SDK1: variants seen among roughly 807,000 people sequenced by gnomAD.
SDK1 encodes the protein sidekick cell adhesion molecule 1.
SDK1 carries 157 observed loss-of-function variants against 245.5 expected under a neutral mutation model. The ratio of observed to expected loss-of-function variants is 0.64; its 90% CI spans 0.56 to 0.73. The LOEUF (loss-of-function observed/expected upper bound fraction) is 0.73, where lower values mean the gene tolerates loss of function less well. Ranked by LOEUF, SDK1 falls within the 30% of genes least tolerant of loss-of-function variation. The pLI is 0.00. For missense variants in SDK1, 3,583 were observed against 3,002.3 expected (o/e 1.19, Z -4.52); for synonymous variants, 1,647 against 1,278.5 (o/e 1.29, Z -6.15).
At chr7:3,599,310 A>G (rs927870262) in intron 1 of SDK1, among the ~76,000 whole-genome samples, 1 of 151,718 alleles carries the variant, frequency 6.6e-6, no homozygotes, top group African/African-American at 2.4e-5. Context: ...CTCATTTTCT[A>G]TTTGGATTGT....
Position 4,053,715 on chromosome 7 carries a change from A to C in SDK1, c.2911+1885A>C, listed in dbSNP as rs78836472. 2.1e-3 allele frequency among the ~76,000 whole-genome samples: 325 copies of C among 152,222 alleles called. 1 individual carries two copies. Among genetic ancestry groups the C allele is most frequent in the Non-Finnish European group, 3.7e-3 (249 of 68,010 alleles). On this transcript the variant is annotated intron_variant, in intron 19 of 44. Transcript: ENST00000404826. ...TCAAGGTCTATGTCAAATGAGTGAC[A>C]GGGGAGGAATAGAACATGGATTTCT...
At position 3,811,047 on chromosome 7, in the gene SDK1, A is replaced by G. The variant is rs78664525; in HGVS notation, c.714-10403A>G. On this transcript the variant is annotated intron_variant, in intron 4 of 44. Transcript: ENST00000404826. The stretch of plus-strand genomic sequence containing the variant: ...TTTAGCCCCTAGAAGAGGACAGTAG[A>G]TGACATTTACTGTTTTCTTACTTGC... 1.0e-2 allele frequency among the ~76,000 whole-genome samples: 1,518 copies of G among 152,300 alleles called. 34 individuals carry two copies. The highest frequency in any genetic ancestry group is 0.034 in the African/African-American group (1,434 of 41,568).
intron 1 of SDK1, among the ~76,000 whole-genome samples, chr7:3,531,588 G>C (rs1013401722): frequency 4.6e-5 from 7 of 152,148 alleles, no homozygotes; most frequent in African/African-American, 1.7e-4. Context: ...GTATGTCTCA[G>C]ATAGTCAAAA....
intron 1 of SDK1, among the ~76,000 whole-genome samples, chr7:3,524,328 G>C (rs906608716): frequency 6.6e-6 from 1 of 152,156 alleles, no homozygotes; most frequent in African/African-American, 2.4e-5. Flanking sequence ...AAATTACTGT[G>C]GTTGCGGTGT....
chr7:4,233,190 AT>A, intron 40 of SDK1, 64 bp from the exon 41 acceptor site: 3 of 1,500,120 alleles, frequency 2.0e-6, no homozygotes, highest in South Asian at 2.4e-5. Flanking sequence ...AGGCAGGTGC[AT>A]GGGGCTCGCA....
At chr7:3,342,773 T>C (rs1014389949) in intron 1 of SDK1, among the ~76,000 whole-genome samples, 14 of 152,202 alleles carry the variant, frequency 9.2e-5, no homozygotes, top group African/African-American at 3.4e-4. Context: ...GTAGAAAATA[T>C]TTTCATCTGT....
At chr7:4,120,203 A>G (rs1226016382) in intron 25 of SDK1, among the ~76,000 whole-genome samples, 1 of 149,180 alleles carries the variant, frequency 6.7e-6, no homozygotes, top group Admixed American at 6.7e-5. Flanking sequence ...AATGAGAGTT[A>G]CAAAATACAC....
At chr7:3,547,848 C>T (rs180726666) in intron 1 of SDK1, among the ~76,000 whole-genome samples, 27 of 152,314 alleles carry the variant, frequency 1.8e-4, no homozygotes, top group African/African-American at 6.5e-4. Flanking sequence ...CTTTTTGCCA[C>T]CCTGCTTTCC....
intron 1 of SDK1, among the ~76,000 whole-genome samples, chr7:3,540,293 G>A (rs1217450763): frequency 6.6e-6 from 1 of 152,228 alleles, no homozygotes; most frequent in Non-Finnish European, 1.5e-5. Context: ...TGTAATCTCA[G>A]CTATTCGGGA....
intron 1 of SDK1, among the ~76,000 whole-genome samples, chr7:3,532,618 A>G (rs1451641938): frequency 6.6e-6 from 1 of 152,222 alleles, no homozygotes; most frequent in Non-Finnish European, 1.5e-5. Flanking sequence ...CTGTCATGTT[A>G]ACTCCAGGTC....
intron 28 of SDK1, among the ~76,000 whole-genome samples, chr7:4,139,721 A>ATGTG (rs1330952824): frequency 1.8e-5 from 2 of 110,764 alleles, no homozygotes; most frequent in South Asian, 3.3e-4. Flanking sequence ...GTGTGTGTGT[A>ATGTG]TGTGTGTGTG....
rs151161785 is a variant in SDK1 at position 3,357,140 on chromosome 7, C to T, written c.298+55256C>T. On this transcript the variant is annotated intron_variant, in intron 1 of 44. Transcript: ENST00000404826. ...ACTCATCAGAAAAATACCTGCTTGA[C>T]CACATTAATTTCTTGAAGTATCTCT... 8.8e-3 allele frequency among the ~76,000 whole-genome samples: 1,321 copies of T among 150,932 alleles called. 9 individuals are homozygous for T. Among genetic ancestry groups the T allele is most frequent in the Non-Finnish European group, 0.013 (859 of 67,778 alleles).
At chr7:3,608,288 G>C (rs191895950) in intron 1 of SDK1, among the ~76,000 whole-genome samples, 2 of 152,156 alleles carry the variant, frequency 1.3e-5, no homozygotes, top group East Asian at 1.9e-4. Context: ...AAAATGTGCC[G>C]GTTGTCTCAA....
chr7:4,068,011 C>A (rs1296785332), intron 20 of SDK1, 75 bp downstream of exon 20: 1 of 1,048,900 alleles, frequency 9.5e-7, no homozygotes, highest in Non-Finnish European at 1.4e-6. Flanking sequence ...CACTTCAAAC[C>A]AAACTGCTGA....
chr7:3,383,906 G>C (rs965987063), intron 1 of SDK1, among the ~76,000 whole-genome samples: 1 of 152,108 alleles, frequency 6.6e-6, no homozygotes, highest in Non-Finnish European at 1.5e-5. Context: ...CCTTCAGCTG[G>C]AGTCAATCTT....
chr7:3,661,409 T>A (rs1427008116), intron 4 of SDK1, among the ~76,000 whole-genome samples: 1 of 152,220 alleles, frequency 6.6e-6, no homozygotes, highest in Non-Finnish European at 1.5e-5. Context: ...CAACCTGCCG[T>A]TGGCTTATCT....
chr7:3,995,353 C>A (rs1221413900), intron 14 of SDK1, among the ~76,000 whole-genome samples: 1 of 152,154 alleles, frequency 6.6e-6, no homozygotes, highest in African/African-American at 2.4e-5. Context: ...CCCATCTCCT[C>A]CCCTAGGGGT....
chr7:3,646,207 T>A (rs1400198908), intron 4 of SDK1, among the ~76,000 whole-genome samples: 1 of 152,182 alleles, frequency 6.6e-6, no homozygotes, highest in Non-Finnish European at 1.5e-5. Context: ...CCCTAATACG[T>A]GCACCTTTGT....
chr7:3,759,237 C>G (rs140250386), intron 4 of SDK1, among the ~76,000 whole-genome samples: 49 of 152,278 alleles, frequency 3.2e-4, no homozygotes, highest in Middle Eastern at 6.8e-3. Flanking sequence ...AAATGCTGTA[C>G]TTTCTGAAGT....
Sources: gnomAD v4.1 joint callset for allele counts (sites outside exome capture counted in the v4.1 genomes callset) on GRCh38, gnomAD v4.1.1 for gene constraint, MANE v1.5 for transcripts, NCBI Gene and HGNC (gene_info 2026-07-23, HGNC 2026-07-21) for gene names.